The following NEXN variants were observed in gnomAD, a reference collection of about 807,000 sequenced individuals.
NEXN encodes nexilin F-actin binding protein, also known as nexilin.
A neutral mutation model predicts 92.6 loss-of-function variants in NEXN; 65 were observed. The ratio of observed to expected loss-of-function variants is 0.70; its 90% confidence interval spans 0.57 to 0.86. The LOEUF (loss-of-function observed/expected upper bound fraction) is 0.86, where lower values mean the gene tolerates loss of function less well. Among genes scored for constraint, NEXN ranks in the 40% least tolerant of loss-of-function variants. The probability of loss-of-function intolerance (pLI) is 0.00; values close to 1 mark genes in which losing one functional copy is unlikely to be tolerated. For synonymous variants in NEXN, 254 were observed against 242.5 expected (o/e 1.05, Z -0.44); for missense variants, 778 against 771.1 (o/e 1.01, Z -0.11).
chr1:77,938,706 A>G (rs926148736), intron 11 of NEXN, among the ~76,000 whole-genome samples: 15 of 150,952 alleles, frequency 9.9e-5, no homozygotes, highest in African/African-American at 3.7e-4. Flanking sequence ...TATACCTAGG[A>G]TATGTTTAAC....
chr1:77,894,615 G>GT (rs1647183023), intron 1 of NEXN, among the ~76,000 whole-genome samples: 1 of 151,430 alleles, frequency 6.6e-6, no homozygotes, highest in Non-Finnish European at 1.5e-5. Context: ...TAATTTTTCT[G>GT]TTTTTTGTAG....
chr1:77,926,328 G>A lies in NEXN; in HGVS notation c.490-86G>A, dbSNP rs1649835288. 4 of 848,028 alleles carry A rather than the reference G, an allele frequency of 4.7e-6. No homozygotes were observed. The East Asian group carries it at 1.0e-4, about 21-fold the overall frequency. The allele number at this position is 848,028 out of a possible 1,614,324, so 52.5% of individuals were successfully genotyped here. On this transcript the variant is annotated intron_variant, in intron 6 of 12. Coordinates refer to ENST00000334785, the MANE Select transcript of NEXN (RefSeq NM_144573.4). ...ATAATAACATTGATGACAGTGTAATGAAATTCACCTATGATGGAGGTAAAG... is the reference window on the plus strand; with the variant it reads ...ATAATAACATTGATGACAGTGTAATAAAATTCACCTATGATGGAGGTAAAG...
At chr1:77,914,040 T>G (rs1172876366) in intron 1 of NEXN, among the ~76,000 whole-genome samples, 1 of 152,122 alleles carries the variant, frequency 6.6e-6, no homozygotes, top group Non-Finnish European at 1.5e-5. Flanking sequence ...GTCAAAACTA[T>G]GAAGACAGTA....
rs1458785643 is a variant in NEXN, at chr1:77,895,875, T to C, written c.-53+7116T>C. ...GCAAGACTCCATCTCAAAAAAGAAATCTTAAAAGTTGACAGCCTGGTTGGG... is the reference window on the plus strand; with the variant it reads ...GCAAGACTCCATCTCAAAAAAGAAACCTTAAAAGTTGACAGCCTGGTTGGG... On this transcript the variant is annotated intron_variant, in intron 1 of 12. Transcript: ENST00000334785. 6.6e-5 allele frequency among the ~76,000 whole-genome samples: 10 copies of C among 151,140 alleles called. No individual in the cohort carries two copies. In the Admixed American group the frequency reaches 6.6e-4, roughly 10 times the overall value.
intron 6 of NEXN, among the ~76,000 whole-genome samples, chr1:77,926,186 G>A (rs1649824445): frequency 1.3e-5 from 2 of 152,180 alleles, no homozygotes; most frequent in South Asian, 4.1e-4. Flanking sequence ...CCATCTTCTA[G>A]GAAATAGAAT....
rs1204312665 is a variant in NEXN at position 77,933,263 on chromosome 1, A to C, written c.1054-19A>C. On this transcript the variant is annotated intron_variant, in intron 9 of 12. Transcript: ENST00000334785. Reference sequence around the variant, plus strand: ...ATGTGTAATTCTGGCCAGAGTGATAAAATAATTATTTTAAATAGGTAGTAG... The same window carrying C: ...ATGTGTAATTCTGGCCAGAGTGATACAATAATTATTTTAAATAGGTAGTAG... The C allele has an allele frequency of 2.8e-6, 4 of 1,450,530 alleles. No individual in the cohort carries two copies. Among genetic ancestry groups the C allele is most frequent in the South Asian group, 2.3e-5 (2 of 85,364 alleles). 89.9% of individuals were successfully genotyped at this position (1,450,530 alleles called of 1,614,324 possible).
chr1:77,890,681 C>T lies in NEXN; in HGVS notation c.-53+1922C>T, dbSNP rs556326848. On this transcript the variant is annotated intron_variant, in intron 1 of 12. Transcript: ENST00000334785. ...GGATTCAGATTGCTTAGAATCTGAGCGGCCTATAATGACATACTTCATTTA... is the reference window on the plus strand; with the variant it reads ...GGATTCAGATTGCTTAGAATCTGAGTGGCCTATAATGACATACTTCATTTA... Among the ~76,000 whole-genome samples, 16 of 151,686 alleles carry T rather than the reference C, an allele frequency of 1.1e-4. No homozygotes were observed. The Middle Eastern group carries it at 0.01, about 97-fold the overall frequency.
At chr1:77,941,982 A>T in intron 11 of NEXN, 41 bp from the exon 12 acceptor site, 1 of 1,590,016 alleles carries the variant, frequency 6.3e-7, no homozygotes, top group Non-Finnish European at 8.6e-7. Flanking sequence ...CTTTGTTTTT[A>T]GAAGGCAAGC....
chr1:77,893,918 C>G (rs1024564577), intron 1 of NEXN, among the ~76,000 whole-genome samples: 1 of 152,078 alleles, frequency 6.6e-6, no homozygotes, highest in East Asian at 1.9e-4. Flanking sequence ...ATCTCCACCC[C>G]CTGGGTTCAA....
chr1:77,912,012 G>A (rs902320464), intron 1 of NEXN, among the ~76,000 whole-genome samples: 1 of 151,034 alleles, frequency 6.6e-6, no homozygotes, highest in Non-Finnish European at 1.5e-5. Flanking sequence ...CCGGGAGGCA[G>A]AGGTTGCAGT....
chr1:77,917,956 C>A lies in NEXN; in HGVS notation c.220-4C>A. On this transcript the variant is annotated splice_region_variant and splice_polypyrimidine_tract_variant and intron_variant, in intron 3 of 12. Coordinates refer to ENST00000334785, the MANE Select transcript of NEXN (RefSeq NM_144573.4). ...TGCTCACATTAATTTATTTAACCAT[C>A]TAGATTAAAGAAATGCTTGCTTCTG... 1 of 1,606,064 alleles carries A rather than the reference C, an allele frequency of 6.2e-7. No homozygotes were observed. The highest frequency in any genetic ancestry group is 1.7e-5 in the Admixed American group (1 of 59,990).
intron 5 of NEXN, among the ~76,000 whole-genome samples, chr1:77,918,662 C>T (rs1649180192): frequency 7.6e-6 from 1 of 131,870 alleles, no homozygotes; most frequent in Non-Finnish European, 1.6e-5. Flanking sequence ...CAAGACCTAT[C>T]TCAAAGAAAA....
intron 1 of NEXN, among the ~76,000 whole-genome samples, chr1:77,909,561 T>G (rs1648401418): frequency 6.6e-6 from 1 of 152,206 alleles, no homozygotes; most frequent in Admixed American, 6.5e-5. Context: ...CTCATAAACC[T>G]TAGTTCATGA....
At chr1:77,920,372 G>T (rs1179793940) in intron 5 of NEXN, among the ~76,000 whole-genome samples, 2 of 152,108 alleles carry the variant, frequency 1.3e-5, no homozygotes, top group African/African-American at 4.8e-5. Flanking sequence ...AAATCCATAT[G>T]CAAGAATGCC....
At chr1:77,939,347 T>C (rs773989333) in intron 11 of NEXN, among the ~76,000 whole-genome samples, 2 of 152,180 alleles carry the variant, frequency 1.3e-5, no homozygotes, top group Non-Finnish European at 1.5e-5. Context: ...GGCAAGCAGA[T>C]ACCAACTTTT....
intron 6 of NEXN, 50 bp downstream of exon 6, chr1:77,925,279 C>T (rs746136165): frequency 1.6e-6 from 2 of 1,254,342 alleles, no homozygotes; most frequent in Admixed American, 1.7e-5. Flanking sequence ...TTATCTGATT[C>T]ACAAATTATC....
chr1:77,927,063 T>C (rs903559423), intron 8 of NEXN, among the ~76,000 whole-genome samples, 171 bp downstream of exon 8: 6 of 152,190 alleles, frequency 3.9e-5, no homozygotes, highest in Non-Finnish European at 8.8e-5. Flanking sequence ...TGGCTCATGC[T>C]GTAATCCCAG....
intron 5 of NEXN, among the ~76,000 whole-genome samples, chr1:77,919,259 G>T (rs1281619240): frequency 6.6e-6 from 1 of 152,070 alleles, no homozygotes; most frequent in Non-Finnish European, 1.5e-5. Flanking sequence ...CCCACAACAC[G>T]TGGGAATTAT....
intron 1 of NEXN, among the ~76,000 whole-genome samples, chr1:77,915,624 T>C (rs528578406): frequency 6.6e-6 from 1 of 152,098 alleles, no homozygotes; most frequent in South Asian, 2.1e-4. Flanking sequence ...TGAGATTTCA[T>C]CTCAAAACAA....
Sources: gnomAD v4.1 joint callset for allele counts (sites outside exome capture counted in the v4.1 genomes callset) on GRCh38, gnomAD v4.1.1 for gene constraint, MANE v1.5 for transcripts, NCBI Gene and HGNC (gene_info 2026-07-23, HGNC 2026-07-21) for gene names.